Variants in SLC35F1 observed in about 807,000 individuals in gnomAD.
The protein encoded by SLC35F1 is chromosome 6 open reading frame 169.
SLC35F1 carries 14 observed loss-of-function variants against 48.7 expected under a neutral mutation model. The observed-to-expected ratio is 0.29, with a 90% CI of 0.19 to 0.45. The LOEUF is 0.45. SLC35F1 is among the 20% of genes least tolerant of loss of function. The probability of loss-of-function intolerance (pLI) is 1.00; values close to 1 mark genes in which losing one functional copy is unlikely to be tolerated. For synonymous variants in SLC35F1, 190 were observed against 202.2 expected, an observed-to-expected ratio of 0.94 and a Z score of 0.51; for missense variants, 404 against 500.0, an observed-to-expected ratio of 0.81 and a Z score of 1.83.
chr6:118,088,359 G>A (rs1353589491), intron 1 of SLC35F1, among the ~76,000 whole-genome samples: 1 of 152,156 alleles, frequency 6.6e-6, no homozygotes, highest in Non-Finnish European at 1.5e-5. Flanking sequence ...GTAATTCAAT[G>A]TGGGTCACAG....
At chr6:118,256,068 C>T (rs1258093239) in intron 3 of SLC35F1, among the ~76,000 whole-genome samples, 5 of 152,146 alleles carry the variant, frequency 3.3e-5, no homozygotes, top group African/African-American at 1.2e-4. Flanking sequence ...CACTCCTGGT[C>T]AGATTTTCAG....
At chr6:117,985,032 A>G (rs1394012564) in intron 1 of SLC35F1, among the ~76,000 whole-genome samples, 1 of 152,242 alleles carries the variant, frequency 6.6e-6, no homozygotes, top group Non-Finnish European at 1.5e-5. Flanking sequence ...ATACTATTGC[A>G]CAGAAAGCTA....
intron 5 of SLC35F1, among the ~76,000 whole-genome samples, chr6:118,276,988 G>T (rs1775925559): frequency 6.6e-6 from 1 of 152,148 alleles, no homozygotes; most frequent in African/African-American, 2.4e-5. Flanking sequence ...ATGAGAACTT[G>T]CCAGAAATGC....
At chr6:118,078,412 T>C (rs989392033) in intron 1 of SLC35F1, among the ~76,000 whole-genome samples, 16 of 152,144 alleles carry the variant, frequency 1.1e-4, no homozygotes, top group South Asian at 2.1e-4. Flanking sequence ...AATACACACA[T>C]GGGAAATGAT....
intron 3 of SLC35F1, among the ~76,000 whole-genome samples, chr6:118,266,146 A>G (rs1040671709): frequency 7.9e-5 from 12 of 152,298 alleles, no homozygotes; most frequent in Non-Finnish European, 1.5e-4. Flanking sequence ...TGATTTGCCC[A>G]AGGTCACATA....
At chr6:118,166,510 A>C (rs1483342688) in intron 2 of SLC35F1, among the ~76,000 whole-genome samples, 1 of 152,230 alleles carries the variant, frequency 6.6e-6, no homozygotes, top group Non-Finnish European at 1.5e-5. Context: ...TAAACAAGCT[A>C]TTGATTTTAA....
At chr6:118,120,516 T>C (rs1416617572) in intron 1 of SLC35F1, among the ~76,000 whole-genome samples, 4 of 152,206 alleles carry the variant, frequency 2.6e-5, no homozygotes. Context: ...TTGGTCATGT[T>C]ACCCCCTACA....
chr6:117,915,080 A>G (rs1348056378), intron 1 of SLC35F1, among the ~76,000 whole-genome samples: 1 of 152,244 alleles, frequency 6.6e-6, no homozygotes, highest in Non-Finnish European at 1.5e-5. Context: ...GACAGTGCAT[A>G]GGCAACTTTT....
At chr6:117,931,332 C>T (rs576791488) in intron 1 of SLC35F1, among the ~76,000 whole-genome samples, 1 of 152,256 alleles carries the variant, frequency 6.6e-6, no homozygotes, top group African/African-American at 2.4e-5. Flanking sequence ...CAGATACAAA[C>T]AATACTAGTA....
At chr6:117,920,356 T>C (rs1394958710) in intron 1 of SLC35F1, among the ~76,000 whole-genome samples, 1 of 152,154 alleles carries the variant, frequency 6.6e-6, no homozygotes, top group Non-Finnish European at 1.5e-5. Flanking sequence ...GGACGGACCT[T>C]TGTAGCTTTG....
intron 2 of SLC35F1, among the ~76,000 whole-genome samples, chr6:118,156,747 A>T (rs74377838): frequency 6.6e-6 from 1 of 152,112 alleles, no homozygotes; most frequent in Non-Finnish European, 1.5e-5. Flanking sequence ...CTTGAAGCGC[A>T]GGGCTTCCAG....
At chr6:118,154,994 A>G (rs1301992455) in intron 2 of SLC35F1, among the ~76,000 whole-genome samples, 1 of 152,232 alleles carries the variant, frequency 6.6e-6, no homozygotes, top group Non-Finnish European at 1.5e-5. Context: ...AGGGAATTGC[A>G]GACAAATATA....
intron 1 of SLC35F1, among the ~76,000 whole-genome samples, chr6:117,999,602 C>T (rs553038976): frequency 7.3e-5 from 11 of 150,514 alleles, no homozygotes; most frequent in African/African-American, 2.4e-4. Flanking sequence ...AAAATCAGAG[C>T]AGAACTGAAG....
chr6:118,280,815 G>A (rs537755522), intron 6 of SLC35F1, among the ~76,000 whole-genome samples: 9 of 151,442 alleles, frequency 5.9e-5, no homozygotes, highest in East Asian at 1.9e-4. Flanking sequence ...AGGTTGCAGC[G>A]AGTCGGGATC....
chr6:118,171,036 G>T (rs1774396448), intron 2 of SLC35F1, among the ~76,000 whole-genome samples: 1 of 151,654 alleles, frequency 6.6e-6, no homozygotes, highest in Non-Finnish European at 1.5e-5. Flanking sequence ...TTTTTTCTTT[G>T]TTCTTCTTTT....
intron 1 of SLC35F1, among the ~76,000 whole-genome samples, chr6:117,989,922 T>G (rs1205515088): frequency 1.3e-5 from 2 of 152,200 alleles, no homozygotes; most frequent in African/African-American, 4.8e-5. Context: ...GTTTTATCCA[T>G]TTTGTAATTT....
intron 1 of SLC35F1, among the ~76,000 whole-genome samples, chr6:117,988,653 T>G (rs1236566987): frequency 2.0e-5 from 3 of 152,254 alleles, no homozygotes; most frequent in Non-Finnish European, 4.4e-5. Context: ...AACTCTGATT[T>G]TTTTTGTGAT....
rs537592724 is a variant in SLC35F1, at chr6:118,192,206, A to G, written c.349+37586A>G. On this transcript the variant is annotated intron_variant, in intron 2 of 7. Transcript: ENST00000360388. ...TCAAATTGTATAGCTAAGCAGTTTC[A>G]GTATTCGCTGATTTAACATGCAAAT... is the stretch of plus-strand genomic sequence containing the variant. Among the ~76,000 whole-genome samples the G allele has an allele frequency of 3.7e-4, 57 of 152,312 alleles. 3 individuals carry two copies. In the South Asian group the frequency reaches 0.011, roughly 29 times the overall value.
intron 1 of SLC35F1, among the ~76,000 whole-genome samples, chr6:117,925,930 C>T (rs1776021388): frequency 6.6e-6 from 1 of 152,120 alleles, no homozygotes; most frequent in African/African-American, 2.4e-5. Context: ...TGTCATCATC[C>T]ATTTATTTAT....
Sources: gnomAD v4.1 joint callset for allele counts (sites outside exome capture counted in the v4.1 genomes callset) on GRCh38, gnomAD v4.1.1 for gene constraint, MANE v1.5 for transcripts, NCBI Gene and HGNC (gene_info 2026-07-23, HGNC 2026-07-21) for gene names.